The following MFGE8 variants were observed in gnomAD, a reference collection of about 807,000 sequenced individuals.
MFGE8 encodes the protein milk fat globule EGF and factor V/VIII domain containing.
A neutral mutation model predicts 42.6 loss-of-function variants in MFGE8; 34 were observed. The ratio of observed to expected loss-of-function variants is 0.80; its 90% CI spans 0.61 to 1.06. The LOEUF (loss-of-function observed/expected upper bound fraction) is 1.06, where lower values mean the gene tolerates loss of function less well. Among genes scored for constraint, MFGE8 ranks in the 50% least tolerant of loss-of-function variants. The pLI is 0.00. For missense variants in MFGE8, 510 were observed against 516.9 expected, an observed-to-expected ratio of 0.99 and a Z score of 0.13; for synonymous variants, 230 against 214.8, an observed-to-expected ratio of 1.07 and a Z score of -0.62.
intron 2 of MFGE8, among the ~76,000 whole-genome samples, chr15:88,907,867 C>T (rs73468180): frequency 0.11 from 17,408 of 152,154 alleles, 1,693 homozygotes; most frequent in East Asian, 0.29. Context: ...CTCAGCCCAG[C>T]CCCTGGCTTC....
In MFGE8 at chr15:88,901,566, G is replaced by T; in HGVS notation, c.855C>A (p.Asn285Lys). 1 of 1,574,218 alleles carries T rather than the reference G, an allele frequency of 6.4e-7. No homozygotes were observed. The highest frequency in any genetic ancestry group is 8.7e-7 in the Non-Finnish European group (1 of 1,154,494). ...GCTGACCCACCTGCAGCCACTGATCGTTACCGTAGCTCCCCGCAACCCAGG... is the reference window on the plus strand; with the variant it reads ...GCTGACCCACCTGCAGCCACTGATCTTTACCGTAGCTCCCCGCAACCCAGG... The part of the protein sequence containing the change: ...FNAWVAGSYG[N>K]DQWLQVDLGS... Residue 285 changes from asparagine to lysine, a missense_variant, in exon 6 of 8, where the codon AAC becomes AAA. Asn to Lys is a moderately conservative substitution (Grantham distance 94). Transcript: ENST00000268150.
intron 2 of MFGE8, among the ~76,000 whole-genome samples, chr15:88,909,097 G>C (rs1054228176): frequency 3.3e-5 from 5 of 152,206 alleles, no homozygotes; most frequent in African/African-American, 1.2e-4. Flanking sequence ...CTAGTGGGGT[G>C]GGAGCACTAA....
At chr15:88,912,303 T>C (rs1899002127) in intron 1 of MFGE8, 1 of 1,280,184 alleles carries the variant, frequency 7.8e-7, no homozygotes, top group Admixed American at 2.3e-5. Context: ...TCCAGCTGTC[T>C]TTCATGGTGG....
Position 88,901,729 on chromosome 15 carries a change from G to A in MFGE8, c.692C>T (p.Ala231Val), listed in dbSNP as rs1167682793. Reference sequence around the variant, plus strand: ...GTTATTCTTCAGGCCCAGGGGATTGGCGCATCCTGCCAGCAAGGTGGGCTG... The same window carrying A: ...GTTATTCTTCAGGCCCAGGGGATTGACGCATCCTGCCAGCAAGGTGGGCTG... ...ELLGCELNGC[A>V]NPLGLKNNSI... is the part of the protein sequence containing the mutation. Residue 231 changes from alanine to valine, a missense_variant, in exon 6 of 8, where the codon GCC becomes GTC. Transcript: ENST00000268150. 6.2e-7 allele frequency: 1 copy of A among 1,613,936 alleles called. No homozygotes were observed. The highest frequency in any genetic ancestry group is 8.5e-7 in the Non-Finnish European group (1 of 1,179,972).
intron 1 of MFGE8, chr15:88,912,722 C>T (rs1486503250): frequency 1.0e-6 from 1 of 985,296 alleles, no homozygotes; most frequent in East Asian, 1.1e-4. Context: ...CCACTTACGG[C>T]CTGCGTCCAT....
rs1385278636 is a variant in MFGE8 at position 88,906,343 on chromosome 15, G to T, written c.540+283C>A. The T allele has an allele frequency of 4.1e-6, 2 of 490,148 alleles. No homozygotes were observed. The highest frequency in any genetic ancestry group is 8.2e-5 in the East Asian group (2 of 24,464). 30.4% of individuals were successfully genotyped at this position (490,148 alleles called of 1,614,324 possible). A position where few individuals can be genotyped will look rare whatever the true frequency, so the allele number is the denominator to read the frequency against. On this transcript the variant is annotated intron_variant, in intron 4 of 7. Transcript: ENST00000268150. The surrounding 1 kb of genome is among the most constrained non-coding windows in gnomAD (Gnocchi z 4.2). Reference sequence around the variant, plus strand: ...CACAACTGTACATGTACCCATGAAGGCTCAGAATGAAACCCAGCTCCACCA... The same window carrying T: ...CACAACTGTACATGTACCCATGAAGTCTCAGAATGAAACCCAGCTCCACCA...
rs2280214 is a variant in MFGE8 at position 88,899,375 on chromosome 15, C to G, written c.*20G>C. 2.5e-6 allele frequency: 4 copies of G among 1,613,594 alleles called. No homozygotes were observed. In the Admixed American group the frequency reaches 5.0e-5, roughly 20 times the overall value. On this transcript the variant is annotated 3_prime_UTR_variant, in exon 8 of 8. Transcript: ENST00000268150. The surrounding 1 kb of genome is among the most constrained non-coding windows in gnomAD (Gnocchi z 6.8). ...GCGGGCCCATGGAAAGCAGGAAGAC[C>G]TGGGGGTGGCAGGTGGCCACTAACA...
rs1315924224 is a variant in MFGE8 at position 88,899,374 on chromosome 15, C to G, written c.*21G>C. ...AGCGGGCCCATGGAAAGCAGGAAGACCTGGGGGTGGCAGGTGGCCACTAAC... is the reference window on the plus strand; with the variant it reads ...AGCGGGCCCATGGAAAGCAGGAAGAGCTGGGGGTGGCAGGTGGCCACTAAC... On this transcript the variant is annotated 3_prime_UTR_variant, in exon 8 of 8. Coordinates refer to ENST00000268150, the MANE Select transcript of MFGE8 (RefSeq NM_005928.4). This position sits in a 1 kb window ranked among gnomAD's most constrained non-coding sequence, Gnocchi z 6.8. 2 of 1,613,714 alleles carry G rather than the reference C, an allele frequency of 1.2e-6. No homozygotes were observed. Among genetic ancestry groups the G allele is most frequent in the East Asian group, 4.5e-5 (2 of 44,882 alleles).
Position 88,909,768 on chromosome 15 carries a change from C to G in MFGE8, c.205+24G>C, listed in dbSNP as rs958349146. On this transcript the variant is annotated intron_variant, in intron 2 of 7. Transcript: ENST00000268150. ...CTCAGGGTCTACTGCTAGAAACAGG[C>G]AACAAGCACCCCCACATACTCACTC... 4.3e-6 allele frequency: 7 copies of G among 1,613,378 alleles called. No individual in the cohort carries two copies. The African/African-American group carries it at 9.3e-5, about 22-fold the overall frequency.
intron 1 of MFGE8, chr15:88,912,496 C>A: frequency 1.0e-6 from 1 of 985,434 alleles, no homozygotes; most frequent in Non-Finnish European, 1.2e-6. Flanking sequence ...CTGGCCCTGA[C>A]TCCCTCCCAG....
intron 5 of MFGE8, 53 bp from the exon 6 acceptor site, chr15:88,901,788 C>A: frequency 1.3e-6 from 2 of 1,564,892 alleles, no homozygotes; most frequent in South Asian, 1.1e-5. Context: ...CTCCCAGGGG[C>A]AGGAGCACAA....
At chr15:88,901,304 C>CACACACACACAT (rs1567215000) in intron 6 of MFGE8, among the ~76,000 whole-genome samples, 2 of 85,870 alleles carry the variant, frequency 2.3e-5, no homozygotes, top group South Asian at 3.8e-4. Flanking sequence ...CATTCACACA[C>CACACACACACAT]TCACACACAC....
chr15:88,901,271 TCACA>T (rs147572724), intron 6 of MFGE8, among the ~76,000 whole-genome samples: 17,479 of 79,768 alleles, frequency 0.22, 3,793 homozygotes, highest in South Asian at 0.29. Flanking sequence ...ACGCACGCAT[TCACA>T]CACACTCACA....
chr15:88,910,442 T>C (rs1176426993), intron 1 of MFGE8: 1 of 220,828 alleles, frequency 4.5e-6, no homozygotes, highest in Non-Finnish European at 9.1e-6. Context: ...AACAGCACGA[T>C]GATCATCCAG....
Position 88,906,435 on chromosome 15 carries a change from C to A in MFGE8, c.540+191G>T. On this transcript the variant is annotated intron_variant, in intron 4 of 7. Transcript: ENST00000268150. This position sits in a 1 kb window ranked among gnomAD's most constrained non-coding sequence, Gnocchi z 4.2. ...CACTAGTCTCATCTCTAAAGTGGGACTATTGCTTATAAACCACAGAACATG... is the reference window on the plus strand; with the variant it reads ...CACTAGTCTCATCTCTAAAGTGGGAATATTGCTTATAAACCACAGAACATG... 1.5e-6 allele frequency: 1 copy of A among 660,070 alleles called. No homozygotes were observed. Among genetic ancestry groups the A allele is most frequent in the Non-Finnish European group, 2.7e-6 (1 of 363,716 alleles). 40.9% of individuals were successfully genotyped at this position (660,070 alleles called of 1,614,324 possible). A position where few individuals can be genotyped will look rare whatever the true frequency, so the allele number is the denominator to read the frequency against.
At chr15:88,900,835 C>G in intron 6 of MFGE8, 1 of 821,824 alleles carries the variant, frequency 1.2e-6, no homozygotes. Context: ...ATGCTGTGCT[C>G]AAGGGAGAGG....
chr15:88,912,119 G>C (rs544263155), intron 1 of MFGE8: 14 of 1,289,562 alleles, frequency 1.1e-5, no homozygotes, highest in Non-Finnish European at 1.4e-5. Flanking sequence ...ACCCAGCCAC[G>C]TTACCTGTGT....
Position 88,913,357 on chromosome 15 carries a change from C to A in MFGE8, c.-38G>T. ...CGGGCGCTGGAATGGGCACGCTGGGCTGCTCAGACCCCGCGGGGTTCTGGC... is the reference window on the plus strand; with the variant it reads ...CGGGCGCTGGAATGGGCACGCTGGGATGCTCAGACCCCGCGGGGTTCTGGC... On this transcript the variant is annotated 5_prime_UTR_variant, in exon 1 of 8. Transcript: ENST00000268150. 1 of 1,372,064 alleles carries A rather than the reference C, an allele frequency of 7.3e-7. No homozygotes were observed. The allele number at this position is 1,372,064 out of a possible 1,614,324, so 85.0% of individuals were successfully genotyped here.
intron 2 of MFGE8, among the ~76,000 whole-genome samples, chr15:88,909,075 C>T (rs931674917): frequency 6.6e-6 from 1 of 152,234 alleles, no homozygotes; most frequent in Non-Finnish European, 1.5e-5. Context: ...CCCGCCTGCC[C>T]CATGAGGAGT....
Sources: allele counts gnomAD v4.1 joint callset (sites outside exome capture counted in the v4.1 genomes callset), GRCh38; gene constraint gnomAD v4.1.1; non-coding constraint Gnocchi (gnomAD v3.1); transcripts MANE v1.5; gene names NCBI Gene and HGNC (gene_info 2026-07-23, HGNC 2026-07-21).